ACACA: variants seen among roughly 807,000 people sequenced by gnomAD.
The protein encoded by ACACA is acetyl-CoA carboxylase 1.
In ACACA, 103 loss-of-function variants were observed where a neutral mutation model predicts 296.1. The observed-to-expected ratio is 0.35, with a 90% CI of 0.30 to 0.41. ACACA has a LOEUF of 0.41. Ranked by LOEUF, ACACA falls within the 10% of genes least tolerant of loss-of-function variation. ACACA has a pLI of 1.00. For missense variants in ACACA, 1,554 were observed against 2,989.7 expected, an observed-to-expected ratio of 0.52 and a Z score of 11.20; for synonymous variants, 953 against 1,038.6, an observed-to-expected ratio of 0.92 and a Z score of 1.58.
chr17:37,304,636 A>C (rs1320112622), intron 3 of ACACA, among the ~76,000 whole-genome samples: 4 of 152,142 alleles, frequency 2.6e-5, no homozygotes, highest in Non-Finnish European at 5.9e-5. Flanking sequence ...TCTACTAAAA[A>C]TACAAAATTA....
chr17:37,258,675 G>GTAAATGT (rs1168620552), intron 12 of ACACA, among the ~76,000 whole-genome samples: 2 of 152,192 alleles, frequency 1.3e-5, no homozygotes, highest in Non-Finnish European at 2.9e-5. Context: ...CAACAGAGGA[G>GTAAATGT]TAAATGTTAA....
intron 1 of ACACA, among the ~76,000 whole-genome samples, chr17:37,362,986 A>C (rs565064699): frequency 0.025 from 3,695 of 149,568 alleles, 69 homozygotes; most frequent in Non-Finnish European, 0.039. Flanking sequence ...AAAAAAAAAA[A>C]AAAACAAAAC....
Position 37,270,781 on chromosome 17 carries a change from A to G in ACACA, c.1089T>C (p.Asn363=), listed in dbSNP as rs776503817. The change falls in exon 10 of 56, where the codon AAT becomes AAC. Residue 363 remains asparagine (N), a synonymous_variant. Coordinates refer to ENST00000616317, the MANE Select transcript of ACACA (RefSeq NM_198834.3). ...TGAAGAGATTAGGGAAGTCATCTGC[A>G]TTGTTGACTTTTCTAATTCCCTTCC... ...GGGKGIRKVN[N]ADDFPNLFRQ... is the part of the protein sequence containing the mutation. 5.6e-6 allele frequency: 9 copies of G among 1,613,624 alleles called. No individual in the cohort carries two copies. In the Admixed American group the frequency reaches 1.3e-4, roughly 24 times the overall value.
At chr17:37,299,158 T>C in intron 3 of ACACA, 2 of 1,018,350 alleles carry the variant, frequency 2.0e-6, no homozygotes, top group Non-Finnish European at 2.9e-6. Context: ...TTAAAAAAAA[T>C]AGCCTTCATT....
rs145341884 is a variant in ACACA, at chr17:37,269,377, C to T, written c.1119+1374G>A. Among the ~76,000 whole-genome samples the T allele has an allele frequency of 1.2e-3, 184 of 152,258 alleles. No homozygotes were observed. In the East Asian group the frequency reaches 0.021, roughly 17 times the overall value. Reference sequence around the variant, plus strand: ...AACATAAGTTGAAAATGTTCTAAGTCAAAATTGCATTTAATATACCTAACC... The same window carrying T: ...AACATAAGTTGAAAATGTTCTAAGTTAAAATTGCATTTAATATACCTAACC... On this transcript the variant is annotated intron_variant, in intron 10 of 55. Transcript: ENST00000616317.
intron 52 of ACACA, among the ~76,000 whole-genome samples, chr17:37,104,018 A>G (rs1428590147): frequency 6.6e-6 from 1 of 152,202 alleles, no homozygotes; most frequent in African/African-American, 2.4e-5. Context: ...ACTCCAGCCT[A>G]GGTCAGGAGT....
intron 3 of ACACA, among the ~76,000 whole-genome samples, chr17:37,311,118 T>C (rs1462377641): frequency 1.3e-5 from 2 of 152,196 alleles, no homozygotes; most frequent in East Asian, 3.8e-4. Context: ...GAGAGCAGTT[T>C]CAATAGCATA....
chr17:37,260,280 ATATATATATATATATATTTTTTTTTTTT>A lies in ACACA; in HGVS notation c.1330-778_1330-751del, dbSNP rs1319438127. Among the ~76,000 whole-genome samples the A allele has an allele frequency of 1.5e-4, 5 of 32,420 alleles. 1 individual carries two copies. Among genetic ancestry groups the A allele is most frequent in the African/African-American group, 9.4e-4 (5 of 5,296 alleles). The allele number at this position is 32,420 out of a possible 152,430, so 21.3% of individuals were successfully genotyped here. The stretch of plus-strand genomic sequence containing the variant: ...TATATATATATATATATATATATAT[ATATATATATATATATATTTTTTTTTTTT>A]TTTTTTTTGGAGATGGAGTCTCGCT... On this transcript the variant is annotated intron_variant, in intron 11 of 55. Coordinates refer to ENST00000616317, the MANE Select transcript of ACACA (RefSeq NM_198834.3).
rs1245357195 is a variant in ACACA, at chr17:37,098,084, C to G, written c.6566-100G>C. The G allele has an allele frequency of 3.5e-6, 5 of 1,447,878 alleles. No individual in the cohort carries two copies. In the African/African-American group the frequency reaches 4.2e-5, roughly 12 times the overall value. The allele number at this position is 1,447,878 out of a possible 1,614,324, so 89.7% of individuals were successfully genotyped here. A position where few individuals can be genotyped will look rare whatever the true frequency, so the allele number is the denominator to read the frequency against. On this transcript the variant is annotated intron_variant, in intron 52 of 55. Coordinates refer to ENST00000616317, the MANE Select transcript of ACACA (RefSeq NM_198834.3). The stretch of plus-strand genomic sequence containing the variant: ...CGGGAAGCTCAACATCAGCCTGCCC[C>G]CTCTTCCCTCTGTGGCCTGGCTCTC...
intron 25 of ACACA, 28 bp from the exon 26 acceptor site, chr17:37,226,480 G>A: frequency 1.3e-6 from 2 of 1,559,106 alleles, no homozygotes; most frequent in Non-Finnish European, 1.8e-6. Flanking sequence ...AAAGAACATA[G>A]ATAGTCATAT....
rs1555601604 is a variant in ACACA, at chr17:37,217,756, A to AAC, written c.3683+3967_3683+3968insGT. Among the ~76,000 whole-genome samples the AAC allele has an allele frequency of 6.7e-4, 88 of 130,468 alleles. 1 individual carries two copies. Among genetic ancestry groups the AAC allele is most frequent in the African/African-American group, 2.1e-3 (68 of 32,860 alleles). The allele number at this position is 130,468 out of a possible 152,430, so 85.6% of individuals were successfully genotyped here. ...TCTCAAAAAAAAAAAAAAAAAAAAA[A>AAC]AAAAAAAACAACCTGTTTTCTCCCC... On this transcript the variant is annotated intron_variant, in intron 29 of 55. Coordinates refer to ENST00000616317, the MANE Select transcript of ACACA (RefSeq NM_198834.3).
At chr17:37,147,334 C>T (rs1381670765) in intron 45 of ACACA, among the ~76,000 whole-genome samples, 3 of 152,032 alleles carry the variant, frequency 2.0e-5, no homozygotes, top group Admixed American at 6.6e-5. Flanking sequence ...GGGATCTATA[C>T]GCAAGACACA....
At position 37,086,975 on chromosome 17, in the gene ACACA, G is replaced by C. The variant is rs969574051; in HGVS notation, c.*341C>G. On this transcript the variant is annotated 3_prime_UTR_variant, in exon 56 of 56. Coordinates refer to ENST00000616317, the MANE Select transcript of ACACA (RefSeq NM_198834.3). ...GCTTCCCCATGCTGGGAGGCCAAGG[G>C]GCTGTCAGGACAGGAGGGGCAGCCC... 5.3e-6 allele frequency: 2 copies of C among 380,388 alleles called. No individual in the cohort carries two copies. The highest frequency in any genetic ancestry group is 1.2e-4 in the East Asian group (2 of 16,374). The allele number at this position is 380,388 out of a possible 1,614,324, so 23.6% of individuals were successfully genotyped here.
intron 44 of ACACA, among the ~76,000 whole-genome samples, chr17:37,150,960 G>T (rs2076014110): frequency 6.6e-6 from 1 of 151,852 alleles, no homozygotes; most frequent in Non-Finnish European, 1.5e-5. Context: ...GCTGAGGCAG[G>T]AAAATTGCTT....
chr17:37,269,614 G>C (rs1235384883), intron 10 of ACACA, among the ~76,000 whole-genome samples: 1 of 152,160 alleles, frequency 6.6e-6, no homozygotes, highest in Admixed American at 6.5e-5. Flanking sequence ...CACTTGCACA[G>C]TATTGTAAAG....
chr17:37,193,559 T>C, intron 35 of ACACA, 144 bp from the exon 36 acceptor site: 1 of 616,586 alleles, frequency 1.6e-6, no homozygotes, highest in Non-Finnish European at 2.9e-6. Flanking sequence ...AGGAAATATA[T>C]ATGAATGATC....
Position 37,085,454 on chromosome 17 carries a change from G to A in ACACA, c.*1862C>T, listed in dbSNP as rs1294597992. On this transcript the variant is annotated 3_prime_UTR_variant, in exon 56 of 56. Transcript: ENST00000616317. The stretch of plus-strand genomic sequence containing the variant: ...GGGGGTGCAGGACTTCATACCACTT[G>A]TAGATATGTGGGATTTGATTTATTG... The A allele has an allele frequency of 2.5e-6, 1 of 396,896 alleles. No individual in the cohort carries two copies. The highest frequency in any genetic ancestry group is 4.4e-6 in the Non-Finnish European group (1 of 225,590). 24.6% of individuals were successfully genotyped at this position (396,896 alleles called of 1,614,324 possible).
At chr17:37,249,635 C>T (rs568168554) in intron 16 of ACACA, among the ~76,000 whole-genome samples, 1 of 151,998 alleles carries the variant, frequency 6.6e-6, no homozygotes, top group South Asian at 2.1e-4. Context: ...ACATGTGGAA[C>T]AAAACATACA....
chr17:37,120,175 G>A (rs538105486), intron 50 of ACACA, among the ~76,000 whole-genome samples: 15 of 151,886 alleles, frequency 9.9e-5, no homozygotes, highest in African/African-American at 3.6e-4. Flanking sequence ...TTACAGGCGT[G>A]AGCCACCGCG....
Sources: gnomAD v4.1 joint callset for allele counts (sites outside exome capture counted in the v4.1 genomes callset) on GRCh38, gnomAD v4.1.1 for gene constraint, MANE v1.5 for transcripts, NCBI Gene and HGNC (gene_info 2026-07-23, HGNC 2026-07-21) for gene names.